The following BMPR2 variants were observed in gnomAD, a reference collection of about 807,000 sequenced individuals.
BMPR2 encodes bone morphogenetic protein receptor type-2.
A neutral mutation model predicts 100.8 loss-of-function variants in BMPR2; 29 were observed. The ratio of observed to expected loss-of-function variants is 0.29; its 90% CI spans 0.21 to 0.39. The LOEUF (loss-of-function observed/expected upper bound fraction) is 0.39. Ranked by LOEUF, BMPR2 falls within the 10% of genes least tolerant of loss-of-function variation. The probability of loss-of-function intolerance (pLI) is 1.00; values close to 1 mark genes in which losing one functional copy is unlikely to be tolerated. For synonymous variants in BMPR2, 382 were observed against 442.3 expected, an observed-to-expected ratio of 0.86 and a Z score of 1.71; for missense variants, 1,011 against 1,274.5, an observed-to-expected ratio of 0.79 and a Z score of 3.15.
At chr2:202,475,797 G>A (rs1311939154) in intron 3 of BMPR2, among the ~76,000 whole-genome samples, 4 of 152,120 alleles carry the variant, frequency 2.6e-5, no homozygotes, top group South Asian at 2.1e-4. Context: ...CCGGCCGGGT[G>A]CAGTGGCTCA....
chr2:202,436,892 G>T (rs1318493840), intron 1 of BMPR2, among the ~76,000 whole-genome samples: 2 of 150,602 alleles, frequency 1.3e-5, no homozygotes, highest in African/African-American at 2.5e-5. Context: ...ATTTCGCCTT[G>T]CAGTAAGAAT....
chr2:202,519,329 C>T (rs1276319812), intron 6 of BMPR2, among the ~76,000 whole-genome samples: 1 of 152,084 alleles, frequency 6.6e-6, no homozygotes, highest in Admixed American at 6.5e-5. Flanking sequence ...TACAGCCGTA[C>T]TCCAGCCTGG....
At chr2:202,556,608 G>A in intron 12 of BMPR2, 77 bp downstream of exon 12, 1 of 1,490,920 alleles carries the variant, frequency 6.7e-7, no homozygotes, top group Non-Finnish European at 9.2e-7. Flanking sequence ...TCAACTAATA[G>A]ATATATTTCA....
At chr2:202,506,042 C>T (rs150596196) in intron 3 of BMPR2, among the ~76,000 whole-genome samples, 1 of 152,242 alleles carries the variant, frequency 6.6e-6, no homozygotes, top group African/African-American at 2.4e-5. Context: ...CTTAATAGTG[C>T]CTGCAGATGG....
intron 3 of BMPR2, among the ~76,000 whole-genome samples, chr2:202,479,974 G>A (rs1226080359): frequency 6.6e-6 from 1 of 151,926 alleles, no homozygotes; most frequent in Non-Finnish European, 1.5e-5. Flanking sequence ...TTATTGTTGA[G>A]TTGTAAAAGT....
At chr2:202,506,439 A>G (rs1687521850) in intron 3 of BMPR2, among the ~76,000 whole-genome samples, 1 of 152,014 alleles carries the variant, frequency 6.6e-6, no homozygotes, top group Non-Finnish European at 1.5e-5. Flanking sequence ...TACAGACATG[A>G]GCCACCATGC....
intron 3 of BMPR2, among the ~76,000 whole-genome samples, chr2:202,507,744 T>C (rs1222126964): frequency 6.6e-6 from 1 of 151,160 alleles, no homozygotes; most frequent in Non-Finnish European, 1.5e-5. Context: ...TTGTTGCCCA[T>C]GCTGGAGTGC....
chr2:202,388,974 C>T (rs762884095), intron 1 of BMPR2, among the ~76,000 whole-genome samples: 5 of 151,640 alleles, frequency 3.3e-5, no homozygotes, highest in East Asian at 1.9e-4. Context: ...CAGTGGCTCG[C>T]GCCTGTAATC....
rs764861233 is a variant in BMPR2 at position 202,555,530 on chromosome 2, C to T, written c.1865C>T (p.Pro622Leu). The T allele has an allele frequency of 6.2e-7, 1 of 1,614,140 alleles. No homozygotes were observed. Among genetic ancestry groups the T allele is most frequent in the South Asian group, 1.1e-5 (1 of 91,070 alleles). ...TTTTNTTGLT[P>L]STGMTTISEM... is the part of the protein sequence containing the mutation. Reference sequence around the variant, plus strand: ...ACCACAAACACCACAGGACTCACGCCAAGTACTGGCATGACTACTATATCT... The same window carrying T: ...ACCACAAACACCACAGGACTCACGCTAAGTACTGGCATGACTACTATATCT... Residue 622 changes from proline to leucine, a missense_variant, in exon 12 of 13, where the codon CCA (proline) becomes CTA (leucine). Physicochemically the swap from Pro to Leu is moderately conservative, Grantham distance 98. Coordinates refer to ENST00000374580, the MANE Select transcript of BMPR2 (RefSeq NM_001204.7).
At chr2:202,390,980 CTTTTTTTTT>C (rs11459505) in intron 1 of BMPR2, among the ~76,000 whole-genome samples, 17 of 51,904 alleles carry the variant, frequency 3.3e-4, no homozygotes, top group Admixed American at 5.6e-4. Flanking sequence ...AGTAAGTAGT[CTTTTTTTTT>C]TTTTTTTTTT....
At chr2:202,537,031 G>T (rs1688174667) in intron 9 of BMPR2, among the ~76,000 whole-genome samples, 1 of 152,086 alleles carries the variant, frequency 6.6e-6, no homozygotes, top group Non-Finnish European at 1.5e-5. Context: ...TGAGTAGCTA[G>T]GACTACAGGT....
chr2:202,482,646 C>T (rs1183229033), intron 3 of BMPR2, among the ~76,000 whole-genome samples: 1 of 151,466 alleles, frequency 6.6e-6, no homozygotes, highest in Non-Finnish European at 1.5e-5. Flanking sequence ...TCAAGCGATT[C>T]TCCTGCCTCA....
chr2:202,435,545 A>C (rs1055551367), intron 1 of BMPR2, among the ~76,000 whole-genome samples: 1 of 149,620 alleles, frequency 6.7e-6, no homozygotes, highest in Non-Finnish European at 1.5e-5. Flanking sequence ...TTAATTTATT[A>C]TCAAGGAAAT....
rs1688708390 is a variant in BMPR2, at chr2:202,563,402, A to C, written c.*3456A>C. On this transcript the variant is annotated 3_prime_UTR_variant, in exon 13 of 13. Transcript: ENST00000374580. ...CAGTGAGCTGAGATCGCGCCACTGC[A>C]CTGCAGCCTAGGCGACAGAGCAAGA... 1 of 152,194 alleles carries C rather than the reference A, an allele frequency of 6.6e-6. No individual in the cohort carries two copies. The allele number at this position is 152,194 out of a possible 1,614,324, so 9.4% of individuals were successfully genotyped here.
At chr2:202,381,719 CTTAA>C (rs1260758480) in intron 1 of BMPR2, among the ~76,000 whole-genome samples, 1 of 152,174 alleles carries the variant, frequency 6.6e-6, no homozygotes, top group African/African-American at 2.4e-5. Context: ...GGGCCAACCT[CTTAA>C]TTAGTTTTTT....
At chr2:202,464,520 T>G (rs1331683981) in intron 1 of BMPR2, among the ~76,000 whole-genome samples, 1 of 152,202 alleles carries the variant, frequency 6.6e-6, no homozygotes, top group East Asian at 1.9e-4. Context: ...TATTTTTTAT[T>G]TGGACACCAA....
At chr2:202,429,865 G>A (rs1281644689) in intron 1 of BMPR2, among the ~76,000 whole-genome samples, 1 of 152,136 alleles carries the variant, frequency 6.6e-6, no homozygotes, top group Non-Finnish European at 1.5e-5. Context: ...CAGCATGGGG[G>A]AAACTGCACC....
chr2:202,512,437 A>G (rs1312094668), intron 3 of BMPR2, among the ~76,000 whole-genome samples: 6 of 152,206 alleles, frequency 3.9e-5, no homozygotes, highest in Non-Finnish European at 7.3e-5. Context: ...GCTTTTCTGT[A>G]TGCTCAACTA....
chr2:202,485,545 C>CTTTTTTTTTTT lies in BMPR2; in HGVS notation c.418+17865_418+17875dup, dbSNP rs762096820. On this transcript the variant is annotated intron_variant, in intron 3 of 12. Transcript: ENST00000374580. The stretch of plus-strand genomic sequence containing the variant: ...GTCTCAAATCTCCCTTTGCCTTTAT[C>CTTTTTTTTTTT]TTTTTTTTTTTTTTTTTTTGAGACA... Among the ~76,000 whole-genome samples, 428 of 63,984 alleles carry CTTTTTTTTTTT rather than the reference C, an allele frequency of 6.7e-3. 76 individuals are homozygous for CTTTTTTTTTTT. The highest frequency in any genetic ancestry group is 8.5e-3 in the Non-Finnish European group (317 of 37,136). 42.0% of individuals were successfully genotyped at this position (63,984 alleles called of 152,430 possible).
Sources: allele counts gnomAD v4.1 joint callset (sites outside exome capture counted in the v4.1 genomes callset), GRCh38; gene constraint gnomAD v4.1.1; transcripts MANE v1.5; gene names NCBI Gene and HGNC (gene_info 2026-07-23, HGNC 2026-07-21).